Variants in SMYD2 observed in about 807,000 individuals in gnomAD.
SMYD2 encodes SET and MYND domain containing 2, also known as N-lysine methyltransferase SMYD2.
A neutral mutation model predicts 59.1 loss-of-function variants in SMYD2; 53 were observed. The ratio of observed to expected loss-of-function variants is 0.90; its 90% CI spans 0.72 to 1.13. The LOEUF (loss-of-function observed/expected upper bound fraction) is 1.13. Ranked by LOEUF, SMYD2 falls within the 50% of genes most tolerant of loss-of-function variation. SMYD2 has a pLI of 0.00. For missense variants in SMYD2, 494 were observed against 544.7 expected (o/e 0.91, Z 0.93); for synonymous variants, 208 against 198.8 (o/e 1.05, Z -0.39).
At chr1:214,330,821 C>A (rs1657340170) in intron 8 of SMYD2, 129 bp from the exon 9 acceptor site, 3 of 1,393,898 alleles carry the variant, frequency 2.2e-6, no homozygotes, top group African/African-American at 1.4e-5. Flanking sequence ...GATTTCCTTT[C>A]ATTCTTTTGT....
intron 1 of SMYD2, among the ~76,000 whole-genome samples, chr1:214,288,034 T>C (rs556189812): frequency 3.2e-4 from 49 of 152,336 alleles, no homozygotes; most frequent in African/African-American, 1.2e-3. Context: ...GCTGCACGTT[T>C]GGAACCGATT....
At position 214,318,245 on chromosome 1, in the gene SMYD2, G is replaced by C. The variant is rs183162251; in HGVS notation, c.409+106G>C. 6.4e-5 allele frequency: 62 copies of C among 973,248 alleles called. No individual in the cohort carries two copies. The East Asian group carries it at 1.5e-3, about 24-fold the overall frequency. The allele number at this position is 973,248 out of a possible 1,614,324, so 60.3% of individuals were successfully genotyped here. ...GCTAGTTTGTGCTCAGAGGAGTAGTGATTTCTTTGATTACTAGTTTTTATT... is the reference window on the plus strand; with the variant it reads ...GCTAGTTTGTGCTCAGAGGAGTAGTCATTTCTTTGATTACTAGTTTTTATT... On this transcript the variant is annotated intron_variant, in intron 4 of 11. Transcript: ENST00000366957. This position sits in a 1 kb window ranked among gnomAD's most constrained non-coding sequence, Gnocchi z 5.4.
At chr1:214,309,891 A>G (rs1240167520) in intron 2 of SMYD2, among the ~76,000 whole-genome samples, 2 of 152,218 alleles carry the variant, frequency 1.3e-5, no homozygotes, top group Non-Finnish European at 2.9e-5. Flanking sequence ...TCTTTGTATA[A>G]GGTGGTCAGG....
chr1:214,300,188 T>C (rs12748030), intron 1 of SMYD2, among the ~76,000 whole-genome samples: 16,037 of 152,266 alleles, frequency 0.11, 1,096 homozygotes, highest in Middle Eastern at 0.2. Flanking sequence ...TCACTGAGCA[T>C]ACATGTAGTA....
chr1:214,319,008 A>G (rs373333519), intron 5 of SMYD2, 25 bp downstream of exon 5: 2 of 1,611,860 alleles, frequency 1.2e-6, no homozygotes, highest in Non-Finnish European at 1.7e-6. Flanking sequence ...AGCAGGTAAC[A>G]CTCAGTCTGG....
chr1:214,316,604 A>G (rs1369098594), intron 3 of SMYD2, among the ~76,000 whole-genome samples: 1 of 152,192 alleles, frequency 6.6e-6, no homozygotes, highest in Non-Finnish European at 1.5e-5. Flanking sequence ...TGTGATGGAA[A>G]TGATTAGCAT....
At chr1:214,305,297 C>T in intron 2 of SMYD2, 47 bp downstream of exon 2, 1 of 1,533,240 alleles carries the variant, frequency 6.5e-7, no homozygotes, top group Non-Finnish European at 9.0e-7. Context: ...CCTCTGAAGT[C>T]CTCCTCTTCC....
intron 1 of SMYD2, 151 bp from the exon 2 acceptor site, chr1:214,305,036 T>C: frequency 2.7e-6 from 2 of 746,556 alleles, no homozygotes; most frequent in South Asian, 3.3e-5. Flanking sequence ...GGTCAAACTC[T>C]TAAGGAACAT....
At chr1:214,313,757 A>G (rs936025211) in intron 2 of SMYD2, among the ~76,000 whole-genome samples, 9 of 151,980 alleles carry the variant, frequency 5.9e-5, no homozygotes, top group Non-Finnish European at 8.8e-5. Flanking sequence ...TCAGCCTCCA[A>G]AACACCATGG....
chr1:214,314,613 T>A (rs901773784), intron 2 of SMYD2, 149 bp from the exon 3 acceptor site: 70 of 625,236 alleles, frequency 1.1e-4, no homozygotes, highest in Non-Finnish European at 1.9e-4. Flanking sequence ...GATGTTTTTA[T>A]CTCTAGCTTT....
intron 2 of SMYD2, 125 bp from the exon 3 acceptor site, chr1:214,314,637 G>T (rs370195851): frequency 9.1e-6 from 6 of 662,582 alleles, no homozygotes; most frequent in South Asian, 2.0e-5. Context: ...GAGCATCCTC[G>T]TGTTTTCCAA....
chr1:214,305,123 G>T, intron 1 of SMYD2, 64 bp from the exon 2 acceptor site: 1 of 1,505,766 alleles, frequency 6.6e-7, no homozygotes, highest in Non-Finnish European at 9.2e-7. Flanking sequence ...GTTGTTGCAT[G>T]ATAAAATGTA....
intron 2 of SMYD2, among the ~76,000 whole-genome samples, chr1:214,308,195 A>G (rs1239607135): frequency 1.3e-5 from 2 of 152,204 alleles, no homozygotes; most frequent in Non-Finnish European, 2.9e-5. Flanking sequence ...GTGGTACCGC[A>G]GCTCCTGAAG....
At chr1:214,286,784 A>C (rs1656554722) in intron 1 of SMYD2, among the ~76,000 whole-genome samples, 1 of 141,480 alleles carries the variant, frequency 7.1e-6, no homozygotes, top group African/African-American at 2.7e-5. Context: ...ATGAATACCC[A>C]CCCTACCAAC....
chr1:214,330,051 C>A, intron 7 of SMYD2, 117 bp from the exon 8 acceptor site: 1 of 588,244 alleles, frequency 1.7e-6, no homozygotes, highest in Non-Finnish European at 2.9e-6. Context: ...CGCATTCCTC[C>A]GCTGCAGCCC....
Position 214,319,104 on chromosome 1 carries a change from G to A in SMYD2, c.534+121G>A. The A allele has an allele frequency of 2.3e-6, 3 of 1,331,516 alleles. No homozygotes were observed. In the African/African-American group the frequency reaches 4.4e-5, roughly 19 times the overall value. The allele number at this position is 1,331,516 out of a possible 1,614,324, so 82.5% of individuals were successfully genotyped here. ...ATGATGGCATCTTCCTGACAACGAA[G>A]CTCTGAGCCAATTGGACCGTGTGTT... On this transcript the variant is annotated intron_variant, in intron 5 of 11. Transcript: ENST00000366957.
chr1:214,288,957 T>C (rs1169960479), intron 1 of SMYD2, among the ~76,000 whole-genome samples: 1 of 137,330 alleles, frequency 7.3e-6, no homozygotes, highest in Non-Finnish European at 1.6e-5. Flanking sequence ...TTTTTTTTCC[T>C]TAAGCAAATC....
chr1:214,336,040 C>T (rs1657430291), intron 11 of SMYD2, among the ~76,000 whole-genome samples: 1 of 152,146 alleles, frequency 6.6e-6, no homozygotes, highest in African/African-American at 2.4e-5. Flanking sequence ...ACCAGCATCA[C>T]CTATTTTCTG....
At chr1:214,329,882 G>A (rs1291457592) in intron 7 of SMYD2, among the ~76,000 whole-genome samples, 1 of 152,220 alleles carries the variant, frequency 6.6e-6, no homozygotes, top group Non-Finnish European at 1.5e-5. Flanking sequence ...AACCCTCCAG[G>A]ACACTGTTTT....
Sources: gnomAD v4.1 joint callset for allele counts (sites outside exome capture counted in the v4.1 genomes callset) on GRCh38, gnomAD v4.1.1 for gene constraint, Gnocchi (gnomAD v3.1) non-coding constraint, MANE v1.5 for transcripts, NCBI Gene and HGNC (gene_info 2026-07-23, HGNC 2026-07-21) for gene names.